EXOSC9: variants seen among roughly 807,000 people sequenced by gnomAD.
EXOSC9 encodes the protein exosome component 9.
EXOSC9 carries 38 observed loss-of-function variants against 56.5 expected under a neutral mutation model. The ratio of observed to expected loss-of-function variants is 0.67; its 90% CI spans 0.52 to 0.88. The LOEUF (loss-of-function observed/expected upper bound fraction) is 0.88. EXOSC9 is among the 40% of genes least tolerant of loss of function. The probability of loss-of-function intolerance (pLI) is 0.00; values close to 1 mark genes in which losing one functional copy is unlikely to be tolerated. For synonymous variants in EXOSC9, 170 were observed against 170.8 expected (o/e 0.99, Z 0.04); for missense variants, 559 against 530.5 (o/e 1.05, Z -0.53).
Position 121,802,711 on chromosome 4 carries a change from A to G in EXOSC9, c.199A>G (p.Lys67Glu). Residue 67 changes from lysine to glutamate, a missense_variant, in exon 3 of 12, where the codon AAA becomes GAA. Transcript: ENST00000243498. Reference sequence around the variant, plus strand: ...GGTTTCCTGTGAACTTGTGTCTCCAAAACTCAATCGGGCAACAGAAGGTAT... The same window carrying G: ...GGTTTCCTGTGAACTTGTGTCTCCAGAACTCAATCGGGCAACAGAAGGTAT... ...GQVSCELVSP[K>E]LNRATEGILF... The G allele has an allele frequency of 6.2e-7, 1 of 1,614,152 alleles. No individual in the cohort carries two copies. The highest frequency in any genetic ancestry group is 1.3e-5 in the African/African-American group (1 of 75,042).
intron 10 of EXOSC9, chr4:121,816,049 A>T: frequency 1.1e-6 from 1 of 921,914 alleles, no homozygotes; most frequent in Non-Finnish European, 1.5e-6. Context: ...CTCCACCTCC[A>T]TGGGTTCAAG....
intron 2 of EXOSC9, 35 bp from the exon 3 acceptor site, chr4:121,802,639 T>A: frequency 6.2e-7 from 1 of 1,602,100 alleles, no homozygotes; most frequent in East Asian, 2.2e-5. Context: ...AAGGAGAGTC[T>A]ATTTGGTTAA....
rs1158383991 is a variant in EXOSC9, at chr4:121,802,772, C to T, written c.260C>T (p.Ala87Val). 2 of 1,614,116 alleles carry T rather than the reference C, an allele frequency of 1.2e-6. No homozygotes were observed. Among genetic ancestry groups the T allele is most frequent in the Admixed American group, 1.7e-5 (1 of 60,012 alleles). Residue 87 changes from alanine (A) to valine (V), a missense_variant, in exon 3 of 12, where the codon GCT (alanine) becomes GTT (valine). Transcript: ENST00000243498. ...AACCTTGAACTCTCTCAGATGGCCG[C>T]TCCAGCTTTCGAACCTGGCAGGTAT... ...FFNLELSQMA[A>V]PAFEPGRQSD...
In EXOSC9 at chr4:121,816,698, A is replaced by C. The variant is rs1013764329; in HGVS notation, c.1236-74A>C. On this transcript the variant is annotated intron_variant, in intron 11 of 11. Coordinates refer to ENST00000243498, the MANE Select transcript of EXOSC9 (RefSeq NM_005033.3). ...ACATTTTAGATCCTACTGGAAAACTAAGAAATGCCTCTTATTTCAATAATC... is the reference window on the plus strand; with the variant it reads ...ACATTTTAGATCCTACTGGAAAACTCAGAAATGCCTCTTATTTCAATAATC... The C allele has an allele frequency of 4.2e-6, 6 of 1,432,848 alleles. No individual in the cohort carries two copies. In the African/African-American group the frequency reaches 7.3e-5, roughly 17 times the overall value. The allele number at this position is 1,432,848 out of a possible 1,614,324, so 88.8% of individuals were successfully genotyped here.
rs1209938881 is a variant in EXOSC9, at chr4:121,802,737, T to C, written c.225T>C (p.Ile75=). Residue 75 remains isoleucine (I), a synonymous_variant, in exon 3 of 12, where the codon ATT becomes ATC. Coordinates refer to ENST00000243498, the MANE Select transcript of EXOSC9 (RefSeq NM_005033.3). ...SPKLNRATEG[I]LFFNLELSQM... is the part of the protein sequence containing the mutation. ...AACTCAATCGGGCAACAGAAGGTAT[T>C]CTTTTTTTTAACCTTGAACTCTCTC... is the stretch of plus-strand genomic sequence containing the variant. The C allele has an allele frequency of 1.2e-6, 2 of 1,613,998 alleles. No individual in the cohort carries two copies. Among genetic ancestry groups the C allele is most frequent in the African/African-American group, 2.7e-5 (2 of 74,922 alleles).
intron 7 of EXOSC9, among the ~76,000 whole-genome samples, 180 bp downstream of exon 7, chr4:121,810,279 C>A (rs972765611): frequency 6.6e-6 from 1 of 152,012 alleles, no homozygotes; most frequent in African/African-American, 2.4e-5. Flanking sequence ...TATGAGGTAT[C>A]CTCCTCCTTC....
intron 5 of EXOSC9, among the ~76,000 whole-genome samples, 180 bp downstream of exon 5, chr4:121,804,939 C>T (rs1286652348): frequency 6.6e-6 from 1 of 152,174 alleles, no homozygotes; most frequent in Non-Finnish European, 1.5e-5. Flanking sequence ...CTTAACCGTT[C>T]CTCTGTTGAA....
Position 121,816,996 on chromosome 4 carries a change from T to G in EXOSC9, c.*140T>G. ...AAATAGTTTTTTGTTTTTAATGTGC[T>G]TTAAAATAATAAACCTTCTGGAGCA... is the stretch of plus-strand genomic sequence containing the variant. On this transcript the variant is annotated 3_prime_UTR_variant, in exon 12 of 12. Transcript: ENST00000243498. 1 of 837,086 alleles carries G rather than the reference T, an allele frequency of 1.2e-6. No homozygotes were observed. Among genetic ancestry groups the G allele is most frequent in the Non-Finnish European group, 1.7e-6 (1 of 573,170 alleles). 51.9% of individuals were successfully genotyped at this position (837,086 alleles called of 1,614,324 possible).
chr4:121,811,992 A>G (rs1349680918), intron 8 of EXOSC9, among the ~76,000 whole-genome samples: 1 of 152,082 alleles, frequency 6.6e-6, no homozygotes, highest in Non-Finnish European at 1.5e-5. Flanking sequence ...AGAGGATGTT[A>G]TAACACAAGC....
At chr4:121,812,940 C>T (rs115047374) in intron 8 of EXOSC9, among the ~76,000 whole-genome samples, 2,234 of 152,210 alleles carry the variant, frequency 0.015, 45 homozygotes, top group African/African-American at 0.05. Flanking sequence ...TCAGTGTCCT[C>T]TTCTATAATA....
At chr4:121,812,763 T>C (rs1378955255) in intron 8 of EXOSC9, among the ~76,000 whole-genome samples, 1 of 152,212 alleles carries the variant, frequency 6.6e-6, no homozygotes, top group Admixed American at 6.5e-5. Flanking sequence ...AATATTAGGA[T>C]TACAGGTGTG....
intron 5 of EXOSC9, among the ~76,000 whole-genome samples, chr4:121,807,132 A>T (rs1277894917): frequency 6.6e-6 from 1 of 152,024 alleles, no homozygotes; most frequent in Non-Finnish European, 1.5e-5. Context: ...GTCTACTAAA[A>T]ATACAAAATT....
intron 10 of EXOSC9, chr4:121,815,387 T>C: frequency 1.0e-6 from 1 of 979,954 alleles, no homozygotes; most frequent in Non-Finnish European, 1.2e-6. Context: ...TTCAACTGAA[T>C]ATAATGAAGG....
At chr4:121,810,279 C>T (rs972765611) in intron 7 of EXOSC9, among the ~76,000 whole-genome samples, 180 bp downstream of exon 7, 1 of 152,012 alleles carries the variant, frequency 6.6e-6, no homozygotes, top group Non-Finnish European at 1.5e-5. Flanking sequence ...TATGAGGTAT[C>T]CTCCTCCTTC....
chr4:121,807,446 G>A, intron 5 of EXOSC9, 94 bp from the exon 6 acceptor site: 1 of 683,668 alleles, frequency 1.5e-6, no homozygotes, highest in Non-Finnish European at 2.5e-6. Context: ...AAGAATAAAG[G>A]AACTTCATTT....
intron 10 of EXOSC9, chr4:121,815,768 T>C: frequency 1.0e-6 from 1 of 998,096 alleles, no homozygotes; most frequent in Non-Finnish European, 1.2e-6. Flanking sequence ...TCTGGAGGAA[T>C]AGAGTAGCAC....
intron 9 of EXOSC9, 26 bp from the exon 10 acceptor site, chr4:121,813,840 T>A (rs774181211): frequency 6.6e-7 from 1 of 1,524,898 alleles, no homozygotes; most frequent in Admixed American, 1.8e-5. Flanking sequence ...AATATTTTTG[T>A]TACTCAGTTT....
At chr4:121,805,247 C>T (rs1426155212) in intron 5 of EXOSC9, among the ~76,000 whole-genome samples, 1 of 152,190 alleles carries the variant, frequency 6.6e-6, no homozygotes, top group Non-Finnish European at 1.5e-5. Flanking sequence ...CCAGACTACT[C>T]CCAAAGTAAA....
chr4:121,813,852 C>T lies in EXOSC9; in HGVS notation c.975-14C>T. On this transcript the variant is annotated splice_polypyrimidine_tract_variant and intron_variant, in intron 9 of 11. Transcript: ENST00000243498. ...AGCAATATTTTTGTTACTCAGTTTTCTTAACTTGTTAAGTGTTTCTACACC... is the reference window on the plus strand; with the variant it reads ...AGCAATATTTTTGTTACTCAGTTTTTTTAACTTGTTAAGTGTTTCTACACC... 1.9e-6 allele frequency: 3 copies of T among 1,580,380 alleles called. No individual in the cohort carries two copies. Among genetic ancestry groups the T allele is most frequent in the Non-Finnish European group, 2.6e-6 (3 of 1,157,676 alleles).
Sources: allele counts gnomAD v4.1 joint callset (sites outside exome capture counted in the v4.1 genomes callset), GRCh38; gene constraint gnomAD v4.1.1; transcripts MANE v1.5; gene names NCBI Gene and HGNC (gene_info 2026-07-23, HGNC 2026-07-21).